BTN2A2: variants seen among roughly 807,000 people sequenced by gnomAD.
The protein encoded by BTN2A2 is butyrophilin subfamily 2 member A2, also known as butyrophilin 2.
BTN2A2 carries 29 observed loss-of-function variants against 34.7 expected under a neutral mutation model. The ratio of observed to expected loss-of-function variants is 0.84; its 90% CI spans 0.62 to 1.14. BTN2A2 has a LOEUF of 1.14. BTN2A2 is among the 50% of genes most tolerant of loss of function. The pLI is 0.00. For synonymous variants in BTN2A2, 240 were observed against 253.1 expected (o/e 0.95, Z 0.49); for missense variants, 612 against 651.5 (o/e 0.94, Z 0.66).
In BTN2A2 at chr6:26,393,673, G is replaced by T; in HGVS notation, c.*706G>T. The stretch of plus-strand genomic sequence containing the variant: ...GGTCAGTACTTAGTCCCTGAGTGTG[G>T]TTGAGGTTTGAGGTCCTGGTCGAGC... On this transcript the variant is annotated 3_prime_UTR_variant, in exon 8 of 8. Coordinates refer to ENST00000356709, the MANE Select transcript of BTN2A2 (RefSeq NM_006995.5). 4.0e-6 allele frequency: 4 copies of T among 991,596 alleles called. No individual in the cohort carries two copies. Among genetic ancestry groups the T allele is most frequent in the Non-Finnish European group, 4.8e-6 (4 of 833,966 alleles). 61.4% of individuals were successfully genotyped at this position (991,596 alleles called of 1,614,324 possible).
rs1761771689 is a variant in BTN2A2, at chr6:26,394,489, C to T, written c.*1522C>T. ...ATTCTTCTCTCCTCTGGAGCTGAGACACTCTTCTTCTTCTGCCCTTGGACA... is the reference window on the plus strand; with the variant it reads ...ATTCTTCTCTCCTCTGGAGCTGAGATACTCTTCTTCTTCTGCCCTTGGACA... On this transcript the variant is annotated 3_prime_UTR_variant, in exon 8 of 8. Coordinates refer to ENST00000356709, the MANE Select transcript of BTN2A2 (RefSeq NM_006995.5). 1 of 566,398 alleles carries T rather than the reference C, an allele frequency of 1.8e-6. No individual in the cohort carries two copies. Among genetic ancestry groups the T allele is most frequent in the Non-Finnish European group, 3.2e-6 (1 of 314,732 alleles). 35.1% of individuals were successfully genotyped at this position (566,398 alleles called of 1,614,324 possible). A position where few individuals can be genotyped will look rare whatever the true frequency, so the allele number is the denominator to read the frequency against.
Position 26,394,259 on chromosome 6 carries a change from T to C in BTN2A2, c.*1292T>C. The C allele has an allele frequency of 1.4e-6, 1 of 700,688 alleles. No individual in the cohort carries two copies. Among genetic ancestry groups the C allele is most frequent in the Non-Finnish European group, 2.6e-6 (1 of 384,676 alleles). 43.4% of individuals were successfully genotyped at this position (700,688 alleles called of 1,614,324 possible). On this transcript the variant is annotated 3_prime_UTR_variant, in exon 8 of 8. Coordinates refer to ENST00000356709, the MANE Select transcript of BTN2A2 (RefSeq NM_006995.5). ...AAACCACATTTTGAAACTAGAATAG[T>C]GGATCCTGGAAGTTAATCCATGTGC...
At chr6:26,390,877 C>A in intron 7 of BTN2A2, 48 bp downstream of exon 7, 4 of 1,613,004 alleles carry the variant, frequency 2.5e-6, no homozygotes, top group Non-Finnish European at 3.4e-6. Flanking sequence ...TCCCCACTAG[C>A]CAGCTAACAG....
Position 26,384,936 on chromosome 6 carries a change from G to A in BTN2A2, c.95-79G>A. The A allele has an allele frequency of 1.4e-6, 2 of 1,394,324 alleles. No individual in the cohort carries two copies. The highest frequency in any genetic ancestry group is 1.4e-5 in the South Asian group (1 of 71,736). The allele number at this position is 1,394,324 out of a possible 1,614,324, so 86.4% of individuals were successfully genotyped here. ...TCCCTGGAGTTTTTTTTGTTTGTTT[G>A]TTTTTGTTTTTTGTTTTTTGTTTTG... is the stretch of plus-strand genomic sequence containing the variant. On this transcript the variant is annotated intron_variant, in intron 2 of 7. Transcript: ENST00000356709. This position sits in a 1 kb window ranked among gnomAD's most constrained non-coding sequence, Gnocchi z 4.0.
rs769740966 is a variant in BTN2A2, at chr6:26,385,347, C to T, written c.427C>T (p.Arg143Cys). The T allele has an allele frequency of 4.7e-5, 75 of 1,612,680 alleles. 1 individual carries two copies. Among genetic ancestry groups the T allele is most frequent in the Middle Eastern group, 1.6e-4 (1 of 6,080 alleles). Residue 143 changes from arginine (R) to cysteine (C), a missense_variant, in exon 3 of 8, where the codon CGC becomes TGC. By Grantham distance (180) the Arg-to-Cys change is radical. Coordinates refer to ENST00000356709, the MANE Select transcript of BTN2A2 (RefSeq NM_006995.5). ...EGRSYDEAIL[R>C]LVVAGLGSKP... ...CAGGTCCTACGATGAGGCCATCCTA[C>T]GCCTCGTGGTGGCAGGTGCATCACT...
intron 7 of BTN2A2, 56 bp downstream of exon 7, chr6:26,390,885 C>T (rs1225193691): frequency 6.2e-7 from 1 of 1,612,694 alleles, no homozygotes; most frequent in East Asian, 2.2e-5. Flanking sequence ...AGCCAGCTAA[C>T]AGGACTCCTT....
rs1420571332 is a variant in BTN2A2 at position 26,394,537 on chromosome 6, CTTTGAA to C, written c.*1571_*1576del. ...ACATCAGAACTCCTGGCTCTCCGGC[CTTTGAA>C]CTTCAGGACTTGTACCAGGAGGCCC... On this transcript the variant is annotated 3_prime_UTR_variant, in exon 8 of 8. Coordinates refer to ENST00000356709, the MANE Select transcript of BTN2A2 (RefSeq NM_006995.5). 7.1e-5 allele frequency: 36 copies of C among 510,176 alleles called. No individual in the cohort carries two copies. Among genetic ancestry groups the C allele is most frequent in the Non-Finnish European group, 1.1e-4 (32 of 287,706 alleles). 31.6% of individuals were successfully genotyped at this position (510,176 alleles called of 1,614,324 possible).
chr6:26,389,927 T>C, intron 4 of BTN2A2, 78 bp from the exon 5 acceptor site: 1 of 1,410,940 alleles, frequency 7.1e-7, no homozygotes, highest in South Asian at 1.3e-5. Context: ...TGAGGAGCTC[T>C]TCAGATGTGC....
chr6:26,390,733 T>A, intron 6 of BTN2A2, 26 bp downstream of exon 6: 1 of 1,614,274 alleles, frequency 6.2e-7, no homozygotes, highest in South Asian at 1.1e-5. Flanking sequence ...CCTGAACTAC[T>A]CCGTGTACAA....
chr6:26,389,115 A>AAAAAAG (rs1281022307), intron 4 of BTN2A2, among the ~76,000 whole-genome samples: 2 of 152,322 alleles, frequency 1.3e-5, no homozygotes, highest in South Asian at 2.1e-4. Context: ...ACTCTGTCTT[A>AAAAAAG]AAAAAGAAAA....
Position 26,387,026 on chromosome 6 carries a change from G to A in BTN2A2, c.443-987G>A, listed in dbSNP as rs530880329. Among the ~76,000 whole-genome samples, 8 of 152,340 alleles carry A rather than the reference G, an allele frequency of 5.3e-5. No homozygotes were observed. In the South Asian group the frequency reaches 1.5e-3, roughly 28 times the overall value. ...ATTCAGGAGAAGTTTGGATGATCAC[G>A]CATGGCTGAAGGGTCTCCCAGGACC... On this transcript the variant is annotated intron_variant, in intron 3 of 7. Coordinates refer to ENST00000356709, the MANE Select transcript of BTN2A2 (RefSeq NM_006995.5).
chr6:26,390,149 A>G lies in BTN2A2; in HGVS notation c.869A>G (p.Gln290Arg), dbSNP rs761562130. Reference protein sequence around the residue: ...AVSICCIKKLQREKKILSGEK... With the variant: ...AVSICCIKKLRREKKILSGEK... ...AGCATCTGTTGCATCAAGAAACTTCAAAGGGAAAAAAAGATTCTGTCAGGG... is the reference window on the plus strand; with the variant it reads ...AGCATCTGTTGCATCAAGAAACTTCGAAGGGAAAAAAAGATTCTGTCAGGG... Residue 290 changes from glutamine to arginine, a missense_variant, in exon 5 of 8, where the codon CAA becomes CGA. By Grantham distance (43) the Gln-to-Arg change is conservative. Transcript: ENST00000356709. 14 of 1,614,080 alleles carry G rather than the reference A, an allele frequency of 8.7e-6. No individual in the cohort carries two copies. Among genetic ancestry groups the G allele is most frequent in the Admixed American group, 6.7e-5 (4 of 60,000 alleles).
At chr6:26,389,477 A>G (rs1761430996) in intron 4 of BTN2A2, among the ~76,000 whole-genome samples, 1 of 152,166 alleles carries the variant, frequency 6.6e-6, no homozygotes, top group Non-Finnish European at 1.5e-5. Flanking sequence ...GCTGAAATGG[A>G]GTGAGTTCAG....
At chr6:26,390,261 G>T (rs1235564883) in intron 5 of BTN2A2, 50 bp downstream of exon 5, 4 of 1,558,950 alleles carry the variant, frequency 2.6e-6, no homozygotes, top group South Asian at 1.2e-5. Flanking sequence ...AATTCAAAAA[G>T]AAAAGTTAAA....
intron 7 of BTN2A2, 101 bp downstream of exon 7, chr6:26,390,930 G>A: frequency 6.4e-7 from 1 of 1,567,294 alleles, no homozygotes; most frequent in Non-Finnish European, 8.8e-7. Flanking sequence ...GGCTACACAG[G>A]GACCATAGGG....
chr6:26,388,987 G>A (rs547224056), intron 4 of BTN2A2, among the ~76,000 whole-genome samples: 2 of 152,240 alleles, frequency 1.3e-5, no homozygotes, highest in South Asian at 2.1e-4. Context: ...GAGTGCGGTA[G>A]CAGGCGCCTG....
Position 26,392,916 on chromosome 6 carries a change from G to A in BTN2A2, c.1521G>A (p.Val507=), listed in dbSNP as rs1761696433. The change falls in exon 8 of 8, where the codon GTG becomes GTA. Residue 507 remains valine, a synonymous_variant. Transcript: ENST00000356709. ...TCACAGGAGCCAGTGGGGTCATGGT[G>A]CCTGAAGAGGGCCTGAAACTTCACA... ...PALTGASGVM[V]PEEGLKLHRV... 3.1e-6 allele frequency: 5 copies of A among 1,614,066 alleles called. No homozygotes were observed. Among genetic ancestry groups the A allele is most frequent in the Non-Finnish European group, 4.2e-6 (5 of 1,180,040 alleles).
rs1761005339 is a variant in BTN2A2, at chr6:26,383,729, T to G, written c.-30-63T>G. On this transcript the variant is annotated intron_variant, in intron 1 of 7. Coordinates refer to ENST00000356709, the MANE Select transcript of BTN2A2 (RefSeq NM_006995.5). The surrounding 1 kb of genome is among the most constrained non-coding windows in gnomAD (Gnocchi z 4.4). ...GACCTACTTGAGTGACAGGAGAGGT[T>G]GGGCCCGACCAGCACTGAGGTGCCA... 2 of 1,321,862 alleles carry G rather than the reference T, an allele frequency of 1.5e-6. No individual in the cohort carries two copies. Among genetic ancestry groups the G allele is most frequent in the Non-Finnish European group, 2.2e-6 (2 of 919,300 alleles). 81.9% of individuals were successfully genotyped at this position (1,321,862 alleles called of 1,614,324 possible).
chr6:26,393,279 A>AG lies in BTN2A2; in HGVS notation c.*314dup. 7.3e-7 allele frequency: 1 copy of AG among 1,373,086 alleles called. No homozygotes were observed. Among genetic ancestry groups the AG allele is most frequent in the Non-Finnish European group, 9.5e-7 (1 of 1,054,754 alleles). The allele number at this position is 1,373,086 out of a possible 1,614,324, so 85.1% of individuals were successfully genotyped here. ...GGCAGCGAACCTACTGTTTAAAATC[A>AG]GGATAACCACATTAAGCCCAATATG... On this transcript the variant is annotated 3_prime_UTR_variant, in exon 8 of 8. Transcript: ENST00000356709.
Sources: gnomAD v4.1 joint callset for allele counts (sites outside exome capture counted in the v4.1 genomes callset) on GRCh38, gnomAD v4.1.1 for gene constraint, Gnocchi (gnomAD v3.1) non-coding constraint, MANE v1.5 for transcripts, NCBI Gene and HGNC (gene_info 2026-07-23, HGNC 2026-07-21) for gene names.